Variants in ATP10B observed in about 807,000 individuals in gnomAD.
ATP10B encodes the protein phospholipid-transporting ATPase VB.
ATP10B carries 122 observed loss-of-function variants against 141.2 expected under a neutral mutation model. The observed-to-expected ratio is 0.86, with a 90% confidence interval of 0.75 to 1.00. The LOEUF (loss-of-function observed/expected upper bound fraction) is 1.00, where lower values mean the gene tolerates loss of function less well. Among genes scored for constraint, ATP10B ranks in the 50% least tolerant of loss-of-function variants. The pLI is 0.00. For synonymous variants in ATP10B, 685 were observed against 692.0 expected, an observed-to-expected ratio of 0.99 and a Z score of 0.16; for missense variants, 1,876 against 1,825.3, an observed-to-expected ratio of 1.03 and a Z score of -0.51.
chr5:160,654,390 T>C (rs952079284), intron 7 of ATP10B, among the ~76,000 whole-genome samples: 5 of 152,150 alleles, frequency 3.3e-5, no homozygotes, highest in African/African-American at 1.2e-4. Flanking sequence ...CACTTCTTCT[T>C]GACCCAGCCT....
chr5:160,824,731 T>A (rs1774442985), intron 1 of ATP10B, among the ~76,000 whole-genome samples: 1 of 150,858 alleles, frequency 6.6e-6, no homozygotes, highest in Non-Finnish European at 1.5e-5. Flanking sequence ...AGTAAAAATA[T>A]ATATTGTAAT....
At chr5:160,775,676 A>ATTTTTTTTTTTTTTTT (rs10642787) in intron 2 of ATP10B, among the ~76,000 whole-genome samples, 1 of 116,824 alleles carries the variant, frequency 8.6e-6, no homozygotes, top group Non-Finnish European at 1.7e-5. Flanking sequence ...CAAGTTTCAG[A>ATTTTTTTTTTTTTTTT]TTTTTTTTTT....
chr5:160,808,138 C>T lies in ATP10B; in HGVS notation c.-575-22335G>A, dbSNP rs187566598. Among the ~76,000 whole-genome samples, 351 of 152,218 alleles carry T rather than the reference C, an allele frequency of 2.3e-3. 1 individual carries two copies. The highest frequency in any genetic ancestry group is 6.8e-3 in the Middle Eastern group (2 of 294). On this transcript the variant is annotated intron_variant, in intron 1 of 25. Transcript: ENST00000327245. ...TCCATTAAAAAATCTGTAAAAGACA[C>T]ACTTGGAAAAGTGGAGAAGTTTAAA...
rs1330162558 is a variant in ATP10B, at chr5:160,644,185, C to G, written c.821G>C (p.Cys274Ser). 6.2e-7 allele frequency: 1 copy of G among 1,613,856 alleles called. No individual in the cohort carries two copies. ...FGCESLLLRG[C>S]TIRNTEMAVG... is the part of the protein sequence containing the mutation. ...AGCCATCTCGGTGTTTCTGATGGTGCAGCCTCGAAGCAGAAGACTCTCACA... is the reference window on the plus strand; with the variant it reads ...AGCCATCTCGGTGTTTCTGATGGTGGAGCCTCGAAGCAGAAGACTCTCACA... Residue 274 changes from cysteine (C) to serine (S), a missense_variant, in exon 9 of 26, where the codon TGC becomes TCC. Cys to Ser is a moderately radical substitution (Grantham distance 112). Transcript: ENST00000327245.
intron 2 of ATP10B, among the ~76,000 whole-genome samples, chr5:160,745,237 T>A (rs187287706): frequency 6.0e-4 from 92 of 152,316 alleles, no homozygotes; most frequent in East Asian, 1.9e-3. Context: ...CACTTTTTTT[T>A]AAAAAGGTTT....
At chr5:160,684,975 G>A (rs1467226269) in intron 6 of ATP10B, 8 of 703,294 alleles carry the variant, frequency 1.1e-5, no homozygotes, top group Non-Finnish European at 1.8e-5. Flanking sequence ...GGAAAGCATT[G>A]ACCACAGGGA....
At chr5:160,827,078 C>T (rs1332392263) in intron 1 of ATP10B, among the ~76,000 whole-genome samples, 1 of 152,168 alleles carries the variant, frequency 6.6e-6, no homozygotes, top group African/African-American at 2.4e-5. Context: ...GTGACCTACA[C>T]CCTGTTCCTA....
chr5:160,915,514 C>T, the ATP10B span, among the ~76,000 whole-genome samples: 1 of 151,984 alleles, frequency 6.6e-6, no homozygotes, highest in African/African-American at 2.4e-5. Flanking sequence ...GTATTTTTAG[C>T]AGAGATGGGG....
At chr5:160,628,636 G>A (rs983453902) in intron 13 of ATP10B, among the ~76,000 whole-genome samples, 1 of 152,202 alleles carries the variant, frequency 6.6e-6, no homozygotes, top group Admixed American at 6.5e-5. Flanking sequence ...CAGTGTGGAA[G>A]TTTGGAGGAG....
chr5:160,694,665 C>A (rs756795326), intron 3 of ATP10B, among the ~76,000 whole-genome samples: 1 of 152,198 alleles, frequency 6.6e-6, no homozygotes, highest in Non-Finnish European at 1.5e-5. Context: ...TAAACCCCAT[C>A]TCTAGCAAGT....
At chr5:160,804,000 C>G (rs527734015) in intron 1 of ATP10B, among the ~76,000 whole-genome samples, 3 of 152,152 alleles carry the variant, frequency 2.0e-5, no homozygotes, top group East Asian at 3.9e-4. Context: ...CAGTTCCTGA[C>G]TGGAACTGGA....
intron 22 of ATP10B, among the ~76,000 whole-genome samples, chr5:160,597,849 A>G (rs1334972764): frequency 6.6e-6 from 1 of 152,082 alleles, no homozygotes; most frequent in Non-Finnish European, 1.5e-5. Flanking sequence ...ATGAGATACC[A>G]TCTCACACCA....
At chr5:160,829,397 C>G (rs1299609492) in intron 1 of ATP10B, among the ~76,000 whole-genome samples, 1 of 152,090 alleles carries the variant, frequency 6.6e-6, no homozygotes, top group Non-Finnish European at 1.5e-5. Flanking sequence ...TTTGATTCCT[C>G]TGGCTTTATT....
intron 3 of ATP10B, among the ~76,000 whole-genome samples, chr5:160,698,808 C>G (rs1234397699): frequency 1.3e-5 from 2 of 152,162 alleles, no homozygotes; most frequent in Non-Finnish European, 2.9e-5. Context: ...CTGAGAAGGA[C>G]AAGGCAAGCG....
chr5:160,739,508 G>A (rs539895953), intron 2 of ATP10B, among the ~76,000 whole-genome samples: 1 of 152,142 alleles, frequency 6.6e-6, no homozygotes, highest in African/African-American at 2.4e-5. Flanking sequence ...TTCTATATAT[G>A]AGCAATGGGC....
chr5:160,777,612 C>A (rs985843318), intron 2 of ATP10B, among the ~76,000 whole-genome samples: 3 of 152,170 alleles, frequency 2.0e-5, no homozygotes, highest in African/African-American at 7.2e-5. Context: ...TGTACAGAAG[C>A]TGGCTATATG....
intron 2 of ATP10B, among the ~76,000 whole-genome samples, chr5:160,717,671 A>G (rs1363375501): frequency 1.3e-5 from 2 of 152,198 alleles, no homozygotes; most frequent in African/African-American, 4.8e-5. Context: ...TGTTATTCCC[A>G]TATTACAGAA....
intron 1 of ATP10B, among the ~76,000 whole-genome samples, chr5:160,829,972 G>C (rs1198953431): frequency 1.3e-5 from 2 of 152,030 alleles, no homozygotes; most frequent in Non-Finnish European, 2.9e-5. Context: ...GCTCTGACTA[G>C]GACTTCCAGT....
At chr5:160,792,129 C>G (rs1221947238) in intron 1 of ATP10B, among the ~76,000 whole-genome samples, 1 of 152,108 alleles carries the variant, frequency 6.6e-6, no homozygotes, top group Non-Finnish European at 1.5e-5. Context: ...CCTCCCTAAA[C>G]TTTCATAAAC....
Sources: allele counts gnomAD v4.1 joint callset (sites outside exome capture counted in the v4.1 genomes callset), GRCh38; gene constraint gnomAD v4.1.1; transcripts MANE v1.5; gene names NCBI Gene and HGNC (gene_info 2026-07-23, HGNC 2026-07-21).